Variants in TMEM100 observed in about 807,000 individuals in gnomAD.
The protein encoded by TMEM100 is transmembrane protein 100.
For missense variants in TMEM100, 137 were observed against 168.2 expected, an observed-to-expected ratio of 0.81 and a Z score of 1.02; for synonymous variants, 61 against 67.1, an observed-to-expected ratio of 0.91 and a Z score of 0.44.
chr17:55,725,962 T>A (rs1796010831), upstream of TMEM100, among the ~76,000 whole-genome samples: 1 of 151,952 alleles, frequency 6.6e-6, no homozygotes, highest in African/African-American at 2.4e-5. Flanking sequence ...GGTTGGAAAG[T>A]GTGTATGTAG....
At chr17:55,726,454 A>C (rs897488402), upstream of TMEM100, among the ~76,000 whole-genome samples, 6 of 152,190 alleles carry the variant, frequency 3.9e-5, no homozygotes, top group African/African-American at 1.4e-4. Context: ...TTTCCTATTG[A>C]GTTTGTGCTG....
At chr17:55,724,619 G>A (rs1008099719), upstream of TMEM100, among the ~76,000 whole-genome samples, 2 of 152,144 alleles carry the variant, frequency 1.3e-5, no homozygotes, top group African/African-American at 4.8e-5. Context: ...GCAAACTCTG[G>A]CCCTTGAGGG....
intron 1 of TMEM100, among the ~76,000 whole-genome samples, chr17:55,729,644 A>G (rs1909153978): frequency 6.6e-6 from 1 of 152,194 alleles, no homozygotes; most frequent in South Asian, 2.1e-4. Context: ...GCATATGCAC[A>G]CACACACAAT....
At chr17:55,724,707 T>A (rs145787395), upstream of TMEM100, among the ~76,000 whole-genome samples, 870 of 152,314 alleles carry the variant, frequency 5.7e-3, 11 homozygotes, top group African/African-American at 0.02. Context: ...AATATCACCT[T>A]ATTCTGTTGA....
At chr17:55,725,863 A>T (rs189892290), upstream of TMEM100, among the ~76,000 whole-genome samples, 22 of 152,158 alleles carry the variant, frequency 1.4e-4, no homozygotes, top group African/African-American at 5.1e-4. Flanking sequence ...TTCCTATCCA[A>T]AGCCCCCATT....
upstream of TMEM100, among the ~76,000 whole-genome samples, chr17:55,726,210 C>T (rs888709621): frequency 6.6e-6 from 1 of 152,112 alleles, no homozygotes; most frequent in African/African-American, 2.4e-5. Context: ...GCATTGTAAA[C>T]GGCAGAGCTG....
upstream of TMEM100, among the ~76,000 whole-genome samples, chr17:55,725,548 G>C (rs1909042363): frequency 6.6e-6 from 1 of 152,124 alleles, no homozygotes; most frequent in Non-Finnish European, 1.5e-5. Context: ...ACCCAGACAG[G>C]GGGATGCAAA....
At chr17:55,724,384 A>C (rs541172451), upstream of TMEM100, among the ~76,000 whole-genome samples, 3 of 152,322 alleles carry the variant, frequency 2.0e-5, no homozygotes, top group East Asian at 5.8e-4. Context: ...AAGTACCTGG[A>C]GGCCTTGGTC....
intron 1 of TMEM100, among the ~76,000 whole-genome samples, chr17:55,731,274 G>C (rs991004664): frequency 6.6e-6 from 1 of 152,206 alleles, no homozygotes; most frequent in South Asian, 2.1e-4. Flanking sequence ...AATAGGGCTT[G>C]ATCATCCTTT....
At chr17:55,725,768 G>A (rs1480523211), upstream of TMEM100, among the ~76,000 whole-genome samples, 1 of 151,564 alleles carries the variant, frequency 6.6e-6, no homozygotes, top group Non-Finnish European at 1.5e-5. Flanking sequence ...CAGAGACAGA[G>A]AGAAAGGGCA....
intron 1 of TMEM100, among the ~76,000 whole-genome samples, chr17:55,729,682 C>T (rs1909155831): frequency 6.6e-6 from 1 of 152,082 alleles, no homozygotes; most frequent in South Asian, 2.1e-4. Context: ...AATATATACA[C>T]ACCAGCTGTG....
chr17:55,725,429 C>A (rs1909037821), upstream of TMEM100, among the ~76,000 whole-genome samples: 2 of 152,144 alleles, frequency 1.3e-5, no homozygotes, highest in Admixed American at 1.3e-4. Flanking sequence ...CCCCTAACCC[C>A]CATAGACATT....
chr17:55,730,013 A>G (rs1175828607), intron 1 of TMEM100, among the ~76,000 whole-genome samples: 2 of 152,172 alleles, frequency 1.3e-5, no homozygotes, highest in Non-Finnish European at 2.9e-5. Context: ...ACTAAGAACT[A>G]ATTTTATGTT....
In TMEM100 at chr17:55,720,963, C is replaced by G; in HGVS notation, c.108G>C (p.Leu36=). 1 of 1,614,206 alleles carries G rather than the reference C, an allele frequency of 6.2e-7. No homozygotes were observed. The highest frequency in any genetic ancestry group is 8.5e-7 in the Non-Finnish European group (1 of 1,180,030). The stretch of plus-strand genomic sequence containing the variant: ...CAGCCATCAACTGAATCTCACTGAC[C>G]AGAGGGACTGTGGTGATCACAACTT... ...KSEVVITTVP[L]VSEIQLMAAT... Residue 36 remains leucine, a synonymous_variant, in exon 2 of 2, where the codon CTG becomes CTC. Transcript: ENST00000424486.
At chr17:55,722,589 A>C (rs1908929889) in intron 1 of TMEM100, 30 bp downstream of exon 1, 1 of 152,238 alleles carries the variant, frequency 6.6e-6, no homozygotes, top group Non-Finnish European at 1.5e-5. Flanking sequence ...CCTGAAAATC[A>C]AGATCTGTCC....
At position 55,720,948 on chromosome 17, in the gene TMEM100, C is replaced by G; in HGVS notation, c.123G>C (p.Gln41His). ...ITTVPLVSEI[Q>H]LMAATGGTEL... ...CGGTACCCCCTGTAGCAGCCATCAA[C>G]TGAATCTCACTGACCAGAGGGACTG... The change falls in exon 2 of 2, where the codon CAG becomes CAC. Residue 41 changes from glutamine (Q) to histidine (H), a missense_variant. By Grantham distance (24) the Gln-to-His change is conservative. Coordinates refer to ENST00000424486, the MANE Select transcript of TMEM100 (RefSeq NM_018286.3). The G allele has an allele frequency of 6.2e-7, 1 of 1,614,238 alleles. No homozygotes were observed. Among genetic ancestry groups the G allele is most frequent in the South Asian group, 1.1e-5 (1 of 91,092 alleles).
upstream of TMEM100, among the ~76,000 whole-genome samples, chr17:55,723,275 C>T (rs1169584592): frequency 2.0e-5 from 3 of 150,084 alleles, no homozygotes; most frequent in Non-Finnish European, 4.4e-5. Flanking sequence ...TGAATTCAGT[C>T]TCTAAGCCAG....
intron 1 of TMEM100, 74 bp from the exon 2 acceptor site, chr17:55,721,209 G>A (rs1403228666): frequency 3.0e-6 from 3 of 1,007,162 alleles, no homozygotes; most frequent in South Asian, 2.1e-5. Context: ...AAAAGCTGGG[G>A]AGGCACCTCC....
chr17:55,726,325 G>A (rs1020230824), upstream of TMEM100, among the ~76,000 whole-genome samples: 3 of 152,102 alleles, frequency 2.0e-5, no homozygotes, highest in Admixed American at 6.5e-5. Context: ...AGAGGGGTCT[G>A]GGAGTGGAGG....
Sources: gnomAD v4.1 joint callset for allele counts (sites outside exome capture counted in the v4.1 genomes callset) on GRCh38, gnomAD v4.1.1 for gene constraint, MANE v1.5 for transcripts, NCBI Gene and HGNC (gene_info 2026-07-23, HGNC 2026-07-21) for gene names.